GOSR2: variants seen among roughly 807,000 people sequenced by gnomAD.
GOSR2 encodes 27 kDa Golgi SNARE protein.
Under a neutral mutation model 27.9 loss-of-function variants are expected in GOSR2, and 20 were observed. The observed-to-expected ratio is 0.72, with a 90% CI of 0.50 to 1.04. The LOEUF (loss-of-function observed/expected upper bound fraction) is 1.04. Ranked by LOEUF, GOSR2 falls within the 50% of genes least tolerant of loss-of-function variation. The pLI is 0.00. For synonymous variants in GOSR2, 91 were observed against 98.8 expected, an observed-to-expected ratio of 0.92 and a Z score of 0.47; for missense variants, 261 against 270.5, an observed-to-expected ratio of 0.97 and a Z score of 0.25.
chr17:46,941,102 A>G lies in GOSR2; in HGVS notation c.*2342A>G, dbSNP rs61745471. ...ACATGAGTTTGGTGTGCCTATTGTGATTTAAAACAGGTGGGTTATCAAGAG... is the reference window on the plus strand; with the variant it reads ...ACATGAGTTTGGTGTGCCTATTGTGGTTTAAAACAGGTGGGTTATCAAGAG... On this transcript the variant is annotated 3_prime_UTR_variant, in exon 6 of 6. Coordinates refer to ENST00000640051, the MANE Select transcript of GOSR2 (RefSeq NM_004287.5). The G allele has an allele frequency of 3.9e-3, 4,042 of 1,024,656 alleles. 124 individuals carry two copies. In the African/African-American group the frequency reaches 0.064, roughly 16 times the overall value. The allele number at this position is 1,024,656 out of a possible 1,614,324, so 63.5% of individuals were successfully genotyped here.
At chr17:46,957,319 AAAAG>A (rs947209961) in intron 6 of GOSR2, among the ~76,000 whole-genome samples, 4 of 152,146 alleles carry the variant, frequency 2.6e-5, no homozygotes, top group African/African-American at 4.8e-5. Flanking sequence ...AGAAAACAAA[AAAAG>A]AAACCCAGGC....
rs1402873132 is a variant in GOSR2, at chr17:46,938,691, G to A, written c.570G>A (p.Lys190=). 6.8e-6 allele frequency: 11 copies of A among 1,613,934 alleles called. No homozygotes were observed. The highest frequency in any genetic ancestry group is 4.5e-5 in the East Asian group (2 of 44,880). The part of the protein sequence containing the change: ...RLIEKRAFQD[K]YFMIGGMLLT... ...TCGAGAAGCGGGCTTTCCAGGACAA[G>A]TACTTTATGATAGGTGGGATGCTGC... The change falls in exon 6 of 6, where the codon AAG becomes AAA. Residue 190 remains lysine, a synonymous_variant. Transcript: ENST00000640051.
At chr17:46,934,868 C>A (rs556214844) in intron 4 of GOSR2, among the ~76,000 whole-genome samples, 161 bp from the exon 5 acceptor site, 7 of 152,192 alleles carry the variant, frequency 4.6e-5, no homozygotes, top group African/African-American at 1.7e-4. Context: ...AGAGGCCACC[C>A]CAGGCCTTTG....
At chr17:46,966,887 A>G (rs2091338537) in exon 7 of GOSR2, 1 of 402,752 alleles carries the variant, frequency 2.5e-6, no homozygotes, top group African/African-American at 2.0e-5. Flanking sequence ...TATGCTAATT[A>G]GCACCTTAAA....
intron 6 of GOSR2, among the ~76,000 whole-genome samples, chr17:46,973,695 T>C (rs1018709789): frequency 6.6e-6 from 1 of 152,204 alleles, no homozygotes; most frequent in Admixed American, 6.5e-5. Context: ...ACACCCCGTG[T>C]ATCTGCTGTG....
intron 6 of GOSR2, among the ~76,000 whole-genome samples, chr17:46,974,008 T>C (rs114436528): frequency 4.3e-4 from 65 of 152,308 alleles, no homozygotes; most frequent in African/African-American, 1.5e-3. Flanking sequence ...CGTGCACCCC[T>C]CTATGTGAAC....
At chr17:46,925,352 A>G (rs1328089577) in intron 1 of GOSR2, among the ~76,000 whole-genome samples, 1 of 152,218 alleles carries the variant, frequency 6.6e-6, no homozygotes, top group East Asian at 1.9e-4. Flanking sequence ...AATTCATTGA[A>G]TATTTATTGA....
At chr17:46,951,518 T>A (rs1157503467) in intron 6 of GOSR2, among the ~76,000 whole-genome samples, 3 of 152,200 alleles carry the variant, frequency 2.0e-5, no homozygotes, top group African/African-American at 7.2e-5. Context: ...GCCTTTTAAC[T>A]GGCGTAGCCC....
intron 6 of GOSR2, among the ~76,000 whole-genome samples, chr17:46,948,341 G>T (rs1233788822): frequency 2.6e-5 from 4 of 152,336 alleles, no homozygotes; most frequent in African/African-American, 9.6e-5. Context: ...TTGTTCACTA[G>T]CATTGCATAG....
chr17:46,946,479 A>AG (rs1568197155), downstream of GOSR2, among the ~76,000 whole-genome samples: 1 of 142,368 alleles, frequency 7.0e-6, no homozygotes, highest in Non-Finnish European at 1.5e-5. Flanking sequence ...AAAAAAAAAA[A>AG]GTAGGTGGCC....
At chr17:46,947,383 AACC>A (rs1298703438) in intron 6 of GOSR2, among the ~76,000 whole-genome samples, 5 of 152,180 alleles carry the variant, frequency 3.3e-5, no homozygotes, top group Non-Finnish European at 7.4e-5. Flanking sequence ...GATCTGGTGA[AACC>A]ACCAACCAGG....
chr17:46,945,468 GA>G (rs1370307663), downstream of GOSR2, among the ~76,000 whole-genome samples: 2 of 152,190 alleles, frequency 1.3e-5, no homozygotes, highest in Non-Finnish European at 2.9e-5. Flanking sequence ...ACATGGCGTA[GA>G]ATCCTGACTT....
In GOSR2 at chr17:46,929,558, A is replaced by G. The variant is rs200071814; in HGVS notation, c.68A>G (p.Glu23Gly). 32 of 1,562,206 alleles carry G rather than the reference A, an allele frequency of 2.0e-5. No individual in the cohort carries two copies. The highest frequency in any genetic ancestry group is 3.3e-5 in the Admixed American group (2 of 59,964). The change falls in exon 2 of 6, where the codon GAG becomes GGG. Residue 23 changes from glutamate to glycine, a missense_variant. Glu to Gly is a moderately conservative substitution (Grantham distance 98). Coordinates refer to ENST00000640051, the MANE Select transcript of GOSR2 (RefSeq NM_004287.5). ...ATCCAGTCTTGCATGGGACGCCTGGAGACGGCAGACAAGCAGTCTGTGCAC... is the reference window on the plus strand; with the variant it reads ...ATCCAGTCTTGCATGGGACGCCTGGGGACGGCAGACAAGCAGTCTGTGCAC... ...HEIQSCMGRL[E>G]TADKQSVHIV... is the part of the protein sequence containing the mutation.
Position 46,940,502 on chromosome 17 carries a change from A to C in GOSR2, c.*1742A>C. Reference sequence around the variant, plus strand: ...AGGGACCTAGCGCAGGACTTTTGGTAATCCATAAAATGGATTCTGAGACTG... The same window carrying C: ...AGGGACCTAGCGCAGGACTTTTGGTCATCCATAAAATGGATTCTGAGACTG... On this transcript the variant is annotated 3_prime_UTR_variant, in exon 6 of 6. Coordinates refer to ENST00000640051, the MANE Select transcript of GOSR2 (RefSeq NM_004287.5). 6.2e-7 allele frequency: 1 copy of C among 1,613,632 alleles called. No homozygotes were observed. Among genetic ancestry groups the C allele is most frequent in the Middle Eastern group, 1.6e-4 (1 of 6,062 alleles).
chr17:46,940,628 A>C lies in GOSR2; in HGVS notation c.*1868A>C. On this transcript the variant is annotated 3_prime_UTR_variant, in exon 6 of 6. Coordinates refer to ENST00000640051, the MANE Select transcript of GOSR2 (RefSeq NM_004287.5). The stretch of plus-strand genomic sequence containing the variant: ...GGAGCAGCTGAGCCATTTGTTCTTG[A>C]ACTCTGGGAGGCAGAAGTCCCCGCA... 2 of 1,614,082 alleles carry C rather than the reference A, an allele frequency of 1.2e-6. No homozygotes were observed. Among genetic ancestry groups the C allele is most frequent in the Non-Finnish European group, 1.7e-6 (2 of 1,180,016 alleles).
At chr17:46,950,192 G>A (rs1173991191) in intron 6 of GOSR2, among the ~76,000 whole-genome samples, 2 of 152,232 alleles carry the variant, frequency 1.3e-5, no homozygotes, top group African/African-American at 4.8e-5. Context: ...CACGGGGGCT[G>A]AGAGCAGCCC....
chr17:46,945,066 G>T (rs1308714168), downstream of GOSR2, among the ~76,000 whole-genome samples: 3 of 152,306 alleles, frequency 2.0e-5, no homozygotes, highest in Admixed American at 2.0e-4. Flanking sequence ...GGCCATTGTG[G>T]TGGGGGCATT....
intron 6 of GOSR2, among the ~76,000 whole-genome samples, chr17:46,956,425 G>T (rs2090723249): frequency 6.6e-6 from 1 of 151,626 alleles, no homozygotes; most frequent in Non-Finnish European, 1.5e-5. Flanking sequence ...CGAGTAGCTG[G>T]GATTACAGGC....
intron 5 of GOSR2, chr17:46,936,258 A>AT (rs2088325557): frequency 1.0e-6 from 1 of 985,292 alleles, no homozygotes; most frequent in Non-Finnish European, 1.2e-6. Context: ...TTCATATCTC[A>AT]GAAAAACAGT....
Sources: gnomAD v4.1 joint callset for allele counts (sites outside exome capture counted in the v4.1 genomes callset) on GRCh38, gnomAD v4.1.1 for gene constraint, MANE v1.5 for transcripts, NCBI Gene and HGNC (gene_info 2026-07-23, HGNC 2026-07-21) for gene names.